The following ITFG1 variants were observed in gnomAD, a reference collection of about 807,000 sequenced individuals.
ITFG1 encodes integrin alpha FG-GAP repeat containing 1.
In ITFG1, 34 loss-of-function variants were observed where a neutral mutation model predicts 81.8. The ratio of observed to expected loss-of-function variants is 0.42; its 90% CI spans 0.32 to 0.55. The LOEUF (loss-of-function observed/expected upper bound fraction) is 0.55, where lower values mean the gene tolerates loss of function less well. Ranked by LOEUF, ITFG1 falls within the 20% of genes least tolerant of loss-of-function variation. The pLI, the probability that ITFG1 is intolerant of heterozygous loss-of-function variation, is 0.17. For missense variants in ITFG1, 672 were observed against 755.4 expected, an observed-to-expected ratio of 0.89 and a Z score of 1.29; for synonymous variants, 285 against 270.6, an observed-to-expected ratio of 1.05 and a Z score of -0.52.
chr16:47,222,749 T>G (rs539956862), intron 13 of ITFG1, among the ~76,000 whole-genome samples: 1 of 152,330 alleles, frequency 6.6e-6, no homozygotes, highest in Admixed American at 6.5e-5. Context: ...CTAGTTTGAT[T>G]GCACTGTGGT....
chr16:47,222,427 T>C (rs1965704026), intron 13 of ITFG1, among the ~76,000 whole-genome samples: 1 of 150,420 alleles, frequency 6.6e-6, no homozygotes, highest in Non-Finnish European at 1.5e-5. Flanking sequence ...TTTTTTTTTT[T>C]TTTTGAGACG....
rs1371393767 is a variant in ITFG1 at position 47,222,648 on chromosome 16, C to T, written c.1375-3702G>A. 4.6e-5 allele frequency among the ~76,000 whole-genome samples: 7 copies of T among 152,078 alleles called. No homozygotes were observed. In the East Asian group the frequency reaches 7.7e-4, roughly 17 times the overall value. On this transcript the variant is annotated intron_variant, in intron 13 of 17. Transcript: ENST00000320640. Reference sequence around the variant, plus strand: ...CAGGATGGTCTCGATCTCCTGACCTCGTGATCCGCCTGCCTCGGCCTCCCA... The same window carrying T: ...CAGGATGGTCTCGATCTCCTGACCTTGTGATCCGCCTGCCTCGGCCTCCCA...
At chr16:47,172,195 A>G (rs1478685698) in intron 14 of ITFG1, among the ~76,000 whole-genome samples, 2 of 152,174 alleles carry the variant, frequency 1.3e-5, no homozygotes, top group Non-Finnish European at 2.9e-5. Flanking sequence ...TCAAAACATA[A>G]TCCCCAGGCC....
At chr16:47,339,988 T>C (rs1424118355) in intron 8 of ITFG1, among the ~76,000 whole-genome samples, 1 of 151,722 alleles carries the variant, frequency 6.6e-6, no homozygotes, top group African/African-American at 2.4e-5. Context: ...CAATTCATCA[T>C]GAAAAAGGGA....
At position 47,239,341 on chromosome 16, in the gene ITFG1, C is replaced by G. The variant is rs192036690; in HGVS notation, c.1331-1333G>C. 7.0e-3 allele frequency among the ~76,000 whole-genome samples: 1,060 copies of G among 152,216 alleles called. 10 individuals are homozygous for G. The highest frequency in any genetic ancestry group is 0.024 in the African/African-American group (1,001 of 41,532). On this transcript the variant is annotated intron_variant, in intron 12 of 17. Coordinates refer to ENST00000320640, the MANE Select transcript of ITFG1 (RefSeq NM_030790.5). ...TCAGCCTCCCTAGTAGCTGGGACTA[C>G]AGGTGCACGCCACCACACCCAGCTA...
intron 2 of ITFG1, among the ~76,000 whole-genome samples, chr16:47,456,190 G>T (rs1969450605): frequency 6.6e-6 from 1 of 151,968 alleles, no homozygotes. Context: ...GGGTGATAGA[G>T]AAAGACCCTG....
At chr16:47,423,251 ATTTTTTTT>A (rs748793229) in intron 6 of ITFG1, among the ~76,000 whole-genome samples, 1 of 118,306 alleles carries the variant, frequency 8.5e-6, no homozygotes, top group African/African-American at 3.2e-5. Flanking sequence ...GCAATCCCTG[ATTTTTTTT>A]TTTTTTTTTT....
intron 8 of ITFG1, among the ~76,000 whole-genome samples, chr16:47,364,320 C>T (rs1001622785): frequency 6.6e-6 from 1 of 152,028 alleles, no homozygotes; most frequent in East Asian, 1.9e-4. Context: ...AACATGCAAA[C>T]GTTTATGTTT....
At chr16:47,179,336 A>G (rs1036598702) in intron 14 of ITFG1, among the ~76,000 whole-genome samples, 2 of 152,244 alleles carry the variant, frequency 1.3e-5, no homozygotes, top group Non-Finnish European at 2.9e-5. Flanking sequence ...CCAAATGTCC[A>G]TCAATGATAG....
At chr16:47,174,500 T>G (rs1389998443) in intron 14 of ITFG1, among the ~76,000 whole-genome samples, 1 of 152,180 alleles carries the variant, frequency 6.6e-6, no homozygotes. Flanking sequence ...AACATAACAC[T>G]GAATTCTATT....
intron 8 of ITFG1, among the ~76,000 whole-genome samples, chr16:47,325,618 A>T (rs1009873424): frequency 1.3e-5 from 2 of 152,068 alleles, no homozygotes; most frequent in African/African-American, 2.4e-5. Context: ...TCAAATAGAC[A>T]CAATAAAAAA....
intron 8 of ITFG1, among the ~76,000 whole-genome samples, chr16:47,330,101 T>G (rs569256628): frequency 6.6e-6 from 1 of 151,878 alleles, no homozygotes; most frequent in East Asian, 1.9e-4. Flanking sequence ...TAGACAGGCA[T>G]GCCAATGGAA....
intron 10 of ITFG1, among the ~76,000 whole-genome samples, chr16:47,293,905 T>C (rs2151556185): frequency 6.6e-6 from 1 of 152,220 alleles, no homozygotes; most frequent in Non-Finnish European, 1.5e-5. Flanking sequence ...TCATTGTTGA[T>C]TATGCTTTTG....
At chr16:47,399,814 A>G (rs1182626211) in intron 6 of ITFG1, among the ~76,000 whole-genome samples, 1 of 152,212 alleles carries the variant, frequency 6.6e-6, no homozygotes, top group Non-Finnish European at 1.5e-5. Flanking sequence ...ATATAATAAC[A>G]TGCCTCGTAT....
chr16:47,294,485 GGACCATGGGA>G (rs1471373414), intron 10 of ITFG1, among the ~76,000 whole-genome samples: 1 of 152,072 alleles, frequency 6.6e-6, no homozygotes, highest in Admixed American at 6.5e-5. Context: ...TCCTGCTCCA[GGACCATGGGA>G]TGTTTTTCCA....
At position 47,447,472 on chromosome 16, in the gene ITFG1, T is replaced by C. The variant is rs148937315; in HGVS notation, c.560+3924A>G. On this transcript the variant is annotated intron_variant, in intron 5 of 17. Coordinates refer to ENST00000320640, the MANE Select transcript of ITFG1 (RefSeq NM_030790.5). ...AAATATAATACTACCAATCAGAACA[T>C]AAAATAAAGCAGTATAAGTCACCAA... Among the ~76,000 whole-genome samples, 60 of 152,256 alleles carry C rather than the reference T, an allele frequency of 3.9e-4. No individual in the cohort carries two copies. The East Asian group carries it at 9.6e-3, about 24-fold the overall frequency.
At chr16:47,326,540 G>C (rs1967547099) in intron 8 of ITFG1, among the ~76,000 whole-genome samples, 2 of 152,144 alleles carry the variant, frequency 1.3e-5, no homozygotes, top group Admixed American at 6.5e-5. Flanking sequence ...AATTGTCCCT[G>C]TTTGCAGATG....
At chr16:47,200,926 G>A (rs1454110622) in intron 14 of ITFG1, among the ~76,000 whole-genome samples, 2 of 152,184 alleles carry the variant, frequency 1.3e-5, no homozygotes, top group Admixed American at 1.3e-4. Context: ...AGGGAAAGCT[G>A]TAATACATCA....
intron 6 of ITFG1, among the ~76,000 whole-genome samples, chr16:47,378,844 A>G (rs1055630744): frequency 1.3e-5 from 2 of 152,202 alleles, no homozygotes; most frequent in African/African-American, 2.4e-5. Flanking sequence ...CTCCTAAAGA[A>G]AATTTTTAAT....
Sources: gnomAD v4.1 joint callset for allele counts (sites outside exome capture counted in the v4.1 genomes callset) on GRCh38, gnomAD v4.1.1 for gene constraint, MANE v1.5 for transcripts, NCBI Gene and HGNC (gene_info 2026-07-23, HGNC 2026-07-21) for gene names.